EPCAM: variants seen among roughly 807,000 people sequenced by gnomAD.
EPCAM encodes the protein adenocarcinoma-associated antigen.
Under a neutral mutation model 40.0 loss-of-function variants are expected in EPCAM, and 39 were observed. That is an observed-to-expected ratio of 0.98 (90% confidence interval 0.76 to 1.27). EPCAM has a LOEUF of 1.27. Among genes scored for constraint, EPCAM ranks in the 50% most tolerant of loss-of-function variants. The pLI is 0.00. For missense variants in EPCAM, 503 were observed against 381.2 expected (o/e 1.32, Z -2.66); for synonymous variants, 168 against 132.3 (o/e 1.27, Z -1.85).
At chr2:47,378,131 T>C (rs993719608) in intron 5 of EPCAM, among the ~76,000 whole-genome samples, 1 of 151,922 alleles carries the variant, frequency 6.6e-6, no homozygotes, top group South Asian at 2.1e-4. Flanking sequence ...CTCGGGAGGC[T>C]TGAGGCAGGA....
At position 47,379,864 on chromosome 2, in the gene EPCAM, T is replaced by C. The variant is rs535401857; in HGVS notation, c.753T>C (p.Tyr251=). ...DLDPGQTLIY[Y]VDEKAPEFSM... ...ATCCTGGTCAAACTTTAATTTATTA[T>C]GTTGATGAAAAAGCACCTGAATTCT... is the stretch of plus-strand genomic sequence containing the variant. Residue 251 remains tyrosine (Y), a synonymous_variant, in exon 7 of 9, where the codon TAT becomes TAC. Coordinates refer to ENST00000263735, the MANE Select transcript of EPCAM (RefSeq NM_002354.3). 3 of 1,614,154 alleles carry C rather than the reference T, an allele frequency of 1.9e-6. No homozygotes were observed. The highest frequency in any genetic ancestry group is 1.7e-5 in the Admixed American group (1 of 60,004).
intron 5 of EPCAM, among the ~76,000 whole-genome samples, chr2:47,378,324 G>A (rs1466519521): frequency 2.1e-5 from 3 of 143,664 alleles, no homozygotes; most frequent in Non-Finnish European, 4.5e-5. Context: ...TTTTTGAGAC[G>A]GAGTTTCGCT....
At chr2:47,373,686 T>G in intron 2 of EPCAM, 116 bp downstream of exon 2, 1 of 1,468,394 alleles carries the variant, frequency 6.8e-7, no homozygotes, top group Non-Finnish European at 9.4e-7. Flanking sequence ...TGTTACAAAG[T>G]AAGTGTGGGA....
intron 6 of EPCAM, among the ~76,000 whole-genome samples, 164 bp downstream of exon 6, chr2:47,379,218 T>A (rs1043171853): frequency 1.2e-4 from 19 of 152,222 alleles, no homozygotes; most frequent in African/African-American, 4.6e-4. Flanking sequence ...CTTGCTTGTT[T>A]GTATATTTAT....
rs111488650 is a variant in EPCAM, at chr2:47,386,707, T to G, written c.*94T>G. ...GGGACGAAGACATCTTTGAAGGTCA[T>G]GAGTTTGTTAGTTTAACATCATATA... On this transcript the variant is annotated 3_prime_UTR_variant, in exon 9 of 9. Transcript: ENST00000263735. 2.0e-6 allele frequency: 2 copies of G among 990,032 alleles called. No individual in the cohort carries two copies. The highest frequency in any genetic ancestry group is 3.2e-6 in the Non-Finnish European group (2 of 620,500). 61.3% of individuals were successfully genotyped at this position (990,032 alleles called of 1,614,324 possible).
chr2:47,380,027 T>G (rs1671542646), intron 7 of EPCAM, 58 bp downstream of exon 7: 15 of 1,554,912 alleles, frequency 9.6e-6, no homozygotes, highest in Admixed American at 1.9e-5. Flanking sequence ...GAAAAAGTAA[T>G]AGTGGCTGGG....
In EPCAM at chr2:47,375,315, T is replaced by C. The variant is rs2103750243; in HGVS notation, c.491+16T>C. ...GTTTGCGGACGTAAGTGCAATTAAA[T>C]GCATCATATTCTTGCACAGTTGGTG... On this transcript the variant is annotated intron_variant, in intron 4 of 8. Transcript: ENST00000263735. 1 of 1,557,452 alleles carries C rather than the reference T, an allele frequency of 6.4e-7. No individual in the cohort carries two copies. Among genetic ancestry groups the C allele is most frequent in the South Asian group, 1.1e-5 (1 of 89,956 alleles).
rs201228878 is a variant in EPCAM, at chr2:47,378,959, A to C, written c.562A>C (p.Asn188His). The part of the protein sequence containing the change: ...PKFITSILYE[N>H]NVITIDLVQN... ...ATTCAATTTTTTTCCCCAGTATGAGAATAATGTTATCACTATTGATCTGGT... is the reference window on the plus strand; with the variant it reads ...ATTCAATTTTTTTCCCCAGTATGAGCATAATGTTATCACTATTGATCTGGT... Residue 188 changes from asparagine to histidine, a missense_variant, in exon 6 of 9, where the codon AAT becomes CAT. By Grantham distance (68) the Asn-to-His change is moderately conservative. Transcript: ENST00000263735. The C allele has an allele frequency of 6.7e-7, 1 of 1,483,838 alleles. No individual in the cohort carries two copies. The highest frequency in any genetic ancestry group is 2.3e-5 in the East Asian group (1 of 44,172). 91.9% of individuals were successfully genotyped at this position (1,483,838 alleles called of 1,614,324 possible).
chr2:47,377,362 G>A (rs1170488474), intron 5 of EPCAM, among the ~76,000 whole-genome samples: 2 of 151,862 alleles, frequency 1.3e-5, no homozygotes, highest in Admixed American at 6.6e-5. Flanking sequence ...TCAGCCTCCC[G>A]AGGAGCTGGG....
chr2:47,373,677 G>A (rs1393277385), intron 2 of EPCAM, 107 bp downstream of exon 2: 1 of 1,451,786 alleles, frequency 6.9e-7, no homozygotes, highest in Non-Finnish European at 9.6e-7. Flanking sequence ...TCTGAATCAT[G>A]TTACAAAGTA....
intron 7 of EPCAM, among the ~76,000 whole-genome samples, chr2:47,381,323 G>T (rs1671582803): frequency 6.7e-6 from 1 of 149,952 alleles, no homozygotes; most frequent in Non-Finnish European, 1.5e-5. Context: ...TTGAACCCAG[G>T]AGGTGGAGGT....
intron 7 of EPCAM, 97 bp from the exon 8 acceptor site, chr2:47,385,069 A>T: frequency 1.0e-6 from 1 of 952,750 alleles, no homozygotes; most frequent in Admixed American, 1.8e-5. Flanking sequence ...GTTTTTTTTC[A>T]GATCAAAATT....
intron 7 of EPCAM, among the ~76,000 whole-genome samples, chr2:47,382,930 T>C (rs1186157916): frequency 6.6e-6 from 1 of 152,010 alleles, no homozygotes; most frequent in Non-Finnish European, 1.5e-5. Flanking sequence ...TGTTTATATA[T>C]GATATTTGTA....
At chr2:47,382,575 A>T (rs1007356158) in intron 7 of EPCAM, among the ~76,000 whole-genome samples, 1 of 152,140 alleles carries the variant, frequency 6.6e-6, no homozygotes, top group Non-Finnish European at 1.5e-5. Context: ...CATTCTGGCT[A>T]CTCAGGAGGC....
chr2:47,373,558 A>G lies in EPCAM; in HGVS notation c.172A>G (p.Ile58Val), dbSNP rs766137056. The part of the protein sequence containing the change: ...CTSVGAQNTV[I>V]CSKLAAKCLV... ...TTCAGTTGGTGCACAAAATACTGTC[A>G]TTTGCTCAAAGCGTGAGTAAAATAT... Residue 58 changes from isoleucine (I) to valine (V), a missense_variant, in exon 2 of 9, where the codon ATT (isoleucine) becomes GTT (valine). Coordinates refer to ENST00000263735, the MANE Select transcript of EPCAM (RefSeq NM_002354.3). 6.2e-7 allele frequency: 1 copy of G among 1,610,706 alleles called. No homozygotes were observed. Among genetic ancestry groups the G allele is most frequent in the Non-Finnish European group, 8.5e-7 (1 of 1,177,032 alleles).
Position 47,386,750 on chromosome 2 carries a change from T to TA in EPCAM, c.*137_*138insA, listed in dbSNP as rs1671752322. On this transcript the variant is annotated 3_prime_UTR_variant, in exon 9 of 9. Transcript: ENST00000263735. ...ATCATATATTTGTAATAGTGAAACC[T>TA]GTACTCAAAATATAAGCAGCTTGAA... is the stretch of plus-strand genomic sequence containing the variant. 4.5e-6 allele frequency: 3 copies of TA among 667,994 alleles called. No homozygotes were observed. Among genetic ancestry groups the TA allele is most frequent in the Non-Finnish European group, 7.8e-6 (3 of 385,218 alleles). 41.4% of individuals were successfully genotyped at this position (667,994 alleles called of 1,614,324 possible).
intron 1 of EPCAM, among the ~76,000 whole-genome samples, chr2:47,370,460 A>G (rs1671229645): frequency 6.6e-6 from 1 of 151,960 alleles, no homozygotes; most frequent in Non-Finnish European, 1.5e-5. Flanking sequence ...TATTGTTAGT[A>G]GAGACGGGGT....
rs141768561 is a variant in EPCAM, at chr2:47,372,349, C to T, written c.77-1114C>T. ...AGTTGATTTTTTTTTGTAAAAGAGG[C>T]GGTGACAGCCGGGCATGGTGGCTCA... On this transcript the variant is annotated intron_variant, in intron 1 of 8. Transcript: ENST00000263735. Among the ~76,000 whole-genome samples the T allele has an allele frequency of 3.7e-3, 556 of 151,788 alleles. 3 individuals carry two copies. Among genetic ancestry groups the T allele is most frequent in the African/African-American group, 0.012 (496 of 41,370 alleles).
At chr2:47,380,832 T>C (rs1177972988) in intron 7 of EPCAM, among the ~76,000 whole-genome samples, 1 of 152,182 alleles carries the variant, frequency 6.6e-6, no homozygotes, top group Non-Finnish European at 1.5e-5. Context: ...CTCAGGCCTG[T>C]AATCGCAGCA....
Sources: allele counts gnomAD v4.1 joint callset (sites outside exome capture counted in the v4.1 genomes callset), GRCh38; gene constraint gnomAD v4.1.1; transcripts MANE v1.5; gene names NCBI Gene and HGNC (gene_info 2026-07-23, HGNC 2026-07-21).